PNPLA3: variants seen among roughly 807,000 people sequenced by gnomAD.
PNPLA3 encodes patatin like domain 3, 1-acylglycerol-3-phosphate O-acyltransferase.
A neutral mutation model predicts 43.1 loss-of-function variants in PNPLA3; 42 were observed. The ratio of observed to expected loss-of-function variants is 0.97; its 90% confidence interval spans 0.76 to 1.26. The LOEUF (loss-of-function observed/expected upper bound fraction) is 1.26. Ranked by LOEUF, PNPLA3 falls within the 50% of genes most tolerant of loss-of-function variation. PNPLA3 has a pLI of 0.00. For missense variants in PNPLA3, 647 were observed against 621.4 expected (o/e 1.04, Z -0.44); for synonymous variants, 272 against 253.6 (o/e 1.07, Z -0.69).
intron 3 of PNPLA3, 147 bp downstream of exon 3, chr22:43,929,036 GC>G: frequency 1.3e-6 from 1 of 793,360 alleles, no homozygotes; most frequent in Non-Finnish European, 2.1e-6. Context: ...AGACAGAGTA[GC>G]CACAGCTGGC....
intron 8 of PNPLA3, 55 bp downstream of exon 8, chr22:43,944,850 G>T: frequency 7.1e-7 from 1 of 1,416,108 alleles, no homozygotes; most frequent in South Asian, 1.2e-5. Context: ...CTCATCTGAT[G>T]AGGCCTCACA....
intron 4 of PNPLA3, 79 bp downstream of exon 4, chr22:43,933,166 C>A: frequency 7.6e-7 from 1 of 1,322,390 alleles, no homozygotes; most frequent in Non-Finnish European, 1.1e-6. Context: ...CTACCAGTTA[C>A]TGTCTGCACA....
chr22:43,938,140 C>T (rs4823105), intron 6 of PNPLA3, among the ~76,000 whole-genome samples: 4 of 152,118 alleles, frequency 2.6e-5, no homozygotes, highest in East Asian at 1.9e-4. Flanking sequence ...TCTGAAAAAT[C>T]GATGTTTGTT....
rs763503205 is a variant in PNPLA3 at position 43,946,547 on chromosome 22, G to A, written c.*165G>A. 16 of 727,908 alleles carry A rather than the reference G, an allele frequency of 2.2e-5. No homozygotes were observed. The highest frequency in any genetic ancestry group is 6.2e-5 in the Admixed American group (3 of 48,638). 45.1% of individuals were successfully genotyped at this position (727,908 alleles called of 1,614,324 possible). A position where few individuals can be genotyped will look rare whatever the true frequency, so the allele number is the denominator to read the frequency against. The stretch of plus-strand genomic sequence containing the variant: ...ATGAAAAGCTAGGAAGCAACCTTTC[G>A]CCTGTGCAGCGGTCCAGCACTTAAC... On this transcript the variant is annotated 3_prime_UTR_variant, in exon 9 of 9. Coordinates refer to ENST00000216180, the MANE Select transcript of PNPLA3 (RefSeq NM_025225.3).
intron 2 of PNPLA3, among the ~76,000 whole-genome samples, chr22:43,927,576 T>C (rs1016868981): frequency 6.6e-6 from 1 of 150,486 alleles, no homozygotes; most frequent in African/African-American, 2.4e-5. Flanking sequence ...ATAAACTCTG[T>C]ACACCTCCAG....
chr22:43,924,730 C>T (rs1231352603), intron 1 of PNPLA3, among the ~76,000 whole-genome samples: 1 of 151,824 alleles, frequency 6.6e-6, no homozygotes, highest in East Asian at 1.9e-4. Flanking sequence ...TCACTGCAAG[C>T]TCCACCTCCC....
intron 5 of PNPLA3, 131 bp from the exon 6 acceptor site, chr22:43,936,920 C>A: frequency 1.4e-6 from 1 of 707,850 alleles, no homozygotes; most frequent in South Asian, 1.7e-5. Context: ...GTTCTCTTCC[C>A]TTCCCCTCTT....
At chr22:43,933,157 TA>T in intron 4 of PNPLA3, 70 bp downstream of exon 4, 1 of 1,381,070 alleles carries the variant, frequency 7.2e-7, no homozygotes, top group Non-Finnish European at 1.0e-6. Flanking sequence ...TGCCAGGAGC[TA>T]CCAGTTACTG....
intron 3 of PNPLA3, 83 bp from the exon 4 acceptor site, chr22:43,932,795 C>A: frequency 1.6e-6 from 2 of 1,271,256 alleles, no homozygotes; most frequent in South Asian, 1.3e-5. Context: ...AGAAGCTCTG[C>A]CCACATGTGA....
At chr22:43,936,281 G>A (rs748365743) in intron 5 of PNPLA3, among the ~76,000 whole-genome samples, 4 of 152,262 alleles carry the variant, frequency 2.6e-5, no homozygotes, top group South Asian at 2.1e-4. Context: ...GGAAAGAGCC[G>A]GGGCAAGCAT....
At chr22:43,931,835 C>G (rs910064948) in intron 3 of PNPLA3, among the ~76,000 whole-genome samples, 7 of 152,176 alleles carry the variant, frequency 4.6e-5, no homozygotes, top group African/African-American at 1.4e-4. Flanking sequence ...GTTTTTGATG[C>G]CTTGCTACAT....
At chr22:43,933,262 T>G (rs2049973580) in intron 4 of PNPLA3, among the ~76,000 whole-genome samples, 175 bp downstream of exon 4, 1 of 152,148 alleles carries the variant, frequency 6.6e-6, no homozygotes, top group Admixed American at 6.5e-5. Context: ...CCACCCTGAT[T>G]ATGGGAATCA....
rs757077071 is a variant in PNPLA3 at position 43,926,967 on chromosome 22, C to A, written c.220C>A (p.Arg74=). The change falls in exon 2 of 9, where the codon CGG becomes AGG. Residue 74 remains arginine, a synonymous_variant. Coordinates refer to ENST00000216180, the MANE Select transcript of PNPLA3 (RefSeq NM_025225.3). ...TCTGCAGGTCCTCTCAGATCTTGTGCGGAAGGCCAGGAGTCGGAACATTGG... is the reference window on the plus strand; with the variant it reads ...TCTGCAGGTCCTCTCAGATCTTGTGAGGAAGGCCAGGAGTCGGAACATTGG... ...QTLQVLSDLV[R]KARSRNIGIF... is the part of the protein sequence containing the mutation. 2 of 1,614,166 alleles carry A rather than the reference C, an allele frequency of 1.2e-6. No individual in the cohort carries two copies. The highest frequency in any genetic ancestry group is 1.7e-6 in the Non-Finnish European group (2 of 1,180,010).
chr22:43,946,437 T>A lies in PNPLA3; in HGVS notation c.*55T>A. 1 of 1,519,296 alleles carries A rather than the reference T, an allele frequency of 6.6e-7. No homozygotes were observed. Among genetic ancestry groups the A allele is most frequent in the Non-Finnish European group, 9.1e-7 (1 of 1,094,758 alleles). The allele number at this position is 1,519,296 out of a possible 1,614,324, so 94.1% of individuals were successfully genotyped here. A position where few individuals can be genotyped will look rare whatever the true frequency, so the allele number is the denominator to read the frequency against. On this transcript the variant is annotated 3_prime_UTR_variant, in exon 9 of 9. Transcript: ENST00000216180. ...CTTTCAGAGGTGCTAAAGTTTCCCATCTTTGTGCAGCTACCTCCGCATTGC... is the reference window on the plus strand; with the variant it reads ...CTTTCAGAGGTGCTAAAGTTTCCCAACTTTGTGCAGCTACCTCCGCATTGC...
rs1213552074 is a variant in PNPLA3 at position 43,946,137 on chromosome 22, T to C, written c.1218-17T>C. ...AGCGGGAACGGCCTCTAAGCCAACTTCCTCCATGTGTTTCAGGTCCCAAAT... is the reference window on the plus strand; with the variant it reads ...AGCGGGAACGGCCTCTAAGCCAACTCCCTCCATGTGTTTCAGGTCCCAAAT... On this transcript the variant is annotated splice_polypyrimidine_tract_variant and intron_variant, in intron 8 of 8. Transcript: ENST00000216180. The C allele has an allele frequency of 4.3e-6, 7 of 1,609,912 alleles. No homozygotes were observed. The highest frequency in any genetic ancestry group is 5.9e-6 in the Non-Finnish European group (7 of 1,176,606).
rs575906200 is a variant in PNPLA3 at position 43,944,601 on chromosome 22, A to C, written c.1113-90A>C. The C allele has an allele frequency of 6.4e-5, 65 of 1,013,450 alleles. No homozygotes were observed. The Middle Eastern group carries it at 1.9e-3, about 29-fold the overall frequency. 62.8% of individuals were successfully genotyped at this position (1,013,450 alleles called of 1,614,324 possible). On this transcript the variant is annotated intron_variant, in intron 7 of 8. Coordinates refer to ENST00000216180, the MANE Select transcript of PNPLA3 (RefSeq NM_025225.3). ...CTGGGAAGTCATCAGATTGGAGGTG[A>C]TGTTGGCAGCTTTTGTAAACAAAGG...
chr22:43,926,583 T>C (rs148329366), intron 1 of PNPLA3, among the ~76,000 whole-genome samples: 233 of 152,348 alleles, frequency 1.5e-3, no homozygotes, highest in African/African-American at 5.5e-3. Context: ...GAAGCCATGA[T>C]GTCATTGTGC....
intron 7 of PNPLA3, among the ~76,000 whole-genome samples, chr22:43,940,797 G>C (rs915248150): frequency 1.3e-5 from 2 of 151,322 alleles, no homozygotes; most frequent in African/African-American, 4.9e-5. Flanking sequence ...TGACAGGAGA[G>C]AAACCCTATC....
In PNPLA3 at chr22:43,940,116, T is replaced by G. The variant is rs2050021939; in HGVS notation, c.1103T>G (p.Ile368Ser). The G allele has an allele frequency of 6.2e-7, 1 of 1,614,068 alleles. No individual in the cohort carries two copies. The highest frequency in any genetic ancestry group is 2.2e-5 in the East Asian group (1 of 44,900). ...CTGCCTGTGGAATCTGCCATTGCGA[T>G]TGTCCAGAGGTGAGCATTTTAGGTG... ...CTLPVESAIA[I>S]VQRLVTWLPD... is the part of the protein sequence containing the mutation. Residue 368 changes from isoleucine to serine, a missense_variant, in exon 7 of 9, where the codon ATT becomes AGT. Physicochemically the swap from Ile to Ser is moderately radical, Grantham distance 142. Coordinates refer to ENST00000216180, the MANE Select transcript of PNPLA3 (RefSeq NM_025225.3).
Sources: gnomAD v4.1 joint callset for allele counts (sites outside exome capture counted in the v4.1 genomes callset) on GRCh38, gnomAD v4.1.1 for gene constraint, MANE v1.5 for transcripts, NCBI Gene and HGNC (gene_info 2026-07-23, HGNC 2026-07-21) for gene names.